The following APBA2 variants were observed in gnomAD, a reference collection of about 807,000 sequenced individuals.
APBA2 encodes amyloid beta precursor protein binding family A member 2.
APBA2 carries 30 observed loss-of-function variants against 75.0 expected under a neutral mutation model. The observed-to-expected ratio is 0.40, with a 90% CI of 0.30 to 0.54. The LOEUF (loss-of-function observed/expected upper bound fraction) is 0.54, where lower values mean the gene tolerates loss of function less well. Among genes scored for constraint, APBA2 ranks in the 20% least tolerant of loss-of-function variants. The pLI is 0.49. For missense variants in APBA2, 801 were observed against 1,016.1 expected (o/e 0.79, Z 2.88); for synonymous variants, 444 against 409.6 (o/e 1.08, Z -1.01).
chr15:29,090,315 C>T (rs2043497456), intron 6 of APBA2, among the ~76,000 whole-genome samples: 1 of 152,208 alleles, frequency 6.6e-6, no homozygotes, highest in Non-Finnish European at 1.5e-5. Context: ...CCTTCACACA[C>T]AGCAGTCTGT....
chr15:29,028,928 T>C (rs2040355391), intron 3 of APBA2, among the ~76,000 whole-genome samples: 1 of 152,220 alleles, frequency 6.6e-6, no homozygotes, highest in African/African-American at 2.4e-5. Context: ...GGTGGCTAGA[T>C]TGCAAAAATT....
intron 10 of APBA2, among the ~76,000 whole-genome samples, chr15:29,103,231 G>A (rs1184887662): frequency 6.6e-6 from 1 of 152,196 alleles, no homozygotes; most frequent in Non-Finnish European, 1.5e-5. Context: ...AGGTGCAGCC[G>A]ATGCGGAGGG....
intron 3 of APBA2, among the ~76,000 whole-genome samples, chr15:29,026,219 A>G (rs2040215451): frequency 6.6e-6 from 1 of 152,182 alleles, no homozygotes; most frequent in South Asian, 2.1e-4. Context: ...CTCATAGACA[A>G]GGAACGAATC....
chr15:29,106,590 T>C lies in APBA2; in HGVS notation c.1705-17T>C, dbSNP rs763018827. ...TCCTTGCCGCCAGCCCCTCTCACAC[T>C]GCTGATCCCTTTGCAGCTGCAGCTG... On this transcript the variant is annotated splice_polypyrimidine_tract_variant and intron_variant, in intron 11 of 14. Coordinates refer to ENST00000683413, the MANE Select transcript of APBA2 (RefSeq NM_001353788.2). 13 of 1,612,938 alleles carry C rather than the reference T, an allele frequency of 8.1e-6. No homozygotes were observed. The African/African-American group carries it at 1.7e-4, about 22-fold the overall frequency.
At chr15:29,071,311 C>T (rs913328171) in intron 4 of APBA2, among the ~76,000 whole-genome samples, 3 of 151,958 alleles carry the variant, frequency 2.0e-5, no homozygotes, top group Admixed American at 6.6e-5. Context: ...GAACAGTTGC[C>T]CCTGAGTCCC....
intron 2 of APBA2, among the ~76,000 whole-genome samples, chr15:28,995,269 G>A (rs1034092036): frequency 6.6e-6 from 1 of 152,120 alleles, no homozygotes; most frequent in Non-Finnish European, 1.5e-5. Context: ...GAGAAGGTGG[G>A]CTGAGACCCT....
intron 2 of APBA2, among the ~76,000 whole-genome samples, chr15:28,969,295 C>T (rs2036937874): frequency 6.6e-6 from 1 of 152,012 alleles, no homozygotes; most frequent in African/African-American, 2.4e-5. Context: ...ATTCTCCTGC[C>T]TCAGCCTCAC....
chr15:28,909,736 C>T (rs1161671304), intron 1 of APBA2, among the ~76,000 whole-genome samples: 1 of 152,168 alleles, frequency 6.6e-6, no homozygotes, highest in Non-Finnish European at 1.5e-5. Context: ...CAACATGCCA[C>T]GTTAGTGCCA....
chr15:29,037,095 A>G (rs754486422), intron 3 of APBA2, among the ~76,000 whole-genome samples: 9 of 152,080 alleles, frequency 5.9e-5, no homozygotes, highest in African/African-American at 9.7e-5. Context: ...TAAAAGTTAA[A>G]TTGTTTAAAA....
chr15:28,889,977 C>G (rs2032020725), intron 1 of APBA2, among the ~76,000 whole-genome samples: 1 of 152,224 alleles, frequency 6.6e-6, no homozygotes, highest in South Asian at 2.1e-4. Context: ...TCTGGATCCC[C>G]AGTAGCTAGA....
intron 2 of APBA2, among the ~76,000 whole-genome samples, chr15:28,935,594 T>C (rs2034817447): frequency 6.6e-6 from 1 of 152,152 alleles, no homozygotes; most frequent in African/African-American, 2.4e-5. Context: ...GCGCCCAGCC[T>C]AGCAGGGCAG....
At chr15:28,990,772 T>C (rs1377365821) in intron 2 of APBA2, 1 of 152,206 alleles carries the variant, frequency 6.6e-6, no homozygotes, top group Non-Finnish European at 1.5e-5. Context: ...TCATCACATG[T>C]GGCCCGTCAG....
chr15:28,932,900 AC>A (rs1054194034), intron 2 of APBA2, among the ~76,000 whole-genome samples: 1 of 152,108 alleles, frequency 6.6e-6, no homozygotes, highest in Non-Finnish European at 1.5e-5. Flanking sequence ...GAAACAGAAT[AC>A]CACAGATTGG....
At chr15:29,049,436 C>G (rs1177392805) in intron 3 of APBA2, among the ~76,000 whole-genome samples, 3 of 152,210 alleles carry the variant, frequency 2.0e-5, no homozygotes, top group African/African-American at 7.2e-5. Flanking sequence ...CATGAAAAGT[C>G]TGGAACTTCT....
intron 6 of APBA2, among the ~76,000 whole-genome samples, chr15:29,088,825 C>G (rs542394257): frequency 6.6e-6 from 1 of 152,184 alleles, no homozygotes; most frequent in African/African-American, 2.4e-5. Flanking sequence ...TCCCCACCCT[C>G]GACTTGTCTC....
intron 4 of APBA2, among the ~76,000 whole-genome samples, chr15:29,074,037 C>T (rs2042739143): frequency 1.3e-5 from 2 of 151,912 alleles, no homozygotes; most frequent in Admixed American, 1.3e-4. Context: ...TTTGGGCACT[C>T]TTGGTGGGAA....
intron 2 of APBA2, among the ~76,000 whole-genome samples, chr15:28,950,367 G>T (rs1472822691): frequency 1.3e-5 from 2 of 152,034 alleles, no homozygotes; most frequent in Non-Finnish European, 2.9e-5. Context: ...GGTGGCTCAT[G>T]CCTGTAATCC....
intron 4 of APBA2, among the ~76,000 whole-genome samples, chr15:29,073,682 C>G (rs1160312045): frequency 1.3e-5 from 2 of 152,206 alleles, no homozygotes; most frequent in African/African-American, 2.4e-5. Flanking sequence ...TCAGTGTCTT[C>G]CTTGCCATCA....
At chr15:28,983,316 G>A (rs915708624) in intron 2 of APBA2, among the ~76,000 whole-genome samples, 14 of 152,240 alleles carry the variant, frequency 9.2e-5, no homozygotes, top group African/African-American at 3.4e-4. Context: ...TCATTTCCTT[G>A]CCTTCATTTT....
Sources: allele counts gnomAD v4.1 joint callset (sites outside exome capture counted in the v4.1 genomes callset), GRCh38; gene constraint gnomAD v4.1.1; transcripts MANE v1.5; gene names NCBI Gene and HGNC (gene_info 2026-07-23, HGNC 2026-07-21).